Variants in ATP9B observed in about 807,000 individuals in gnomAD.
ATP9B encodes the protein probable phospholipid-transporting ATPase IIB.
Under a neutral mutation model 146.1 loss-of-function variants are expected in ATP9B, and 110 were observed. The ratio of observed to expected loss-of-function variants is 0.75; its 90% CI spans 0.65 to 0.88. ATP9B has a LOEUF of 0.88. ATP9B is among the 40% of genes least tolerant of loss of function. The probability of loss-of-function intolerance (pLI) is 0.00; values close to 1 mark genes in which losing one functional copy is unlikely to be tolerated. For synonymous variants in ATP9B, 604 were observed against 569.7 expected, an observed-to-expected ratio of 1.06 and a Z score of -0.86; for missense variants, 1,499 against 1,496.4, an observed-to-expected ratio of 1.00 and a Z score of -0.03.
chr18:79,133,911 C>A (rs73971380), intron 5 of ATP9B, among the ~76,000 whole-genome samples: 4,728 of 152,342 alleles, frequency 0.031, 223 homozygotes, highest in African/African-American at 0.1. Flanking sequence ...AGCTCTGACT[C>A]CAGCTGTCTC....
chr18:79,215,268 C>T (rs1294275692), intron 11 of ATP9B, among the ~76,000 whole-genome samples: 1 of 151,936 alleles, frequency 6.6e-6, no homozygotes, highest in Non-Finnish European at 1.5e-5. Flanking sequence ...CTATAAAGTC[C>T]TAGGCCGTTT....
At chr18:79,223,904 A>AT (rs1285562519) in intron 11 of ATP9B, among the ~76,000 whole-genome samples, 2 of 152,210 alleles carry the variant, frequency 1.3e-5, no homozygotes, top group African/African-American at 2.4e-5. Flanking sequence ...GAAAACTTAG[A>AT]TTTTGTCCCT....
intron 6 of ATP9B, chr18:79,147,038 C>T (rs2094603259): frequency 2.6e-5 from 4 of 152,054 alleles, no homozygotes; most frequent in South Asian, 2.1e-4. Context: ...TAAAATTAAA[C>T]AAAAGTAGTA....
In ATP9B at chr18:79,331,821, C is replaced by T. The variant is rs116131154; in HGVS notation, c.2028+1717C>T. On this transcript the variant is annotated intron_variant, in intron 17 of 29. Coordinates refer to ENST00000426216, the MANE Select transcript of ATP9B (RefSeq NM_198531.5). The stretch of plus-strand genomic sequence containing the variant: ...GAACAGACTTAAAATAGTGATGTTC[C>T]GGATAGCTGGAGGTGTTGAGGTGAT... Among the ~76,000 whole-genome samples, 1,152 of 152,226 alleles carry T rather than the reference C, an allele frequency of 7.6e-3. 18 individuals carry two copies. Among genetic ancestry groups the T allele is most frequent in the African/African-American group, 0.027 (1,103 of 41,526 alleles).
chr18:79,313,370 C>G (rs1435097572), intron 15 of ATP9B, among the ~76,000 whole-genome samples: 1 of 152,146 alleles, frequency 6.6e-6, no homozygotes, highest in Non-Finnish European at 1.5e-5. Flanking sequence ...AGCAACCGCT[C>G]TGTAAGAGGA....
chr18:79,219,461 G>C (rs1348768783), intron 11 of ATP9B, among the ~76,000 whole-genome samples: 3 of 152,020 alleles, frequency 2.0e-5, no homozygotes, highest in Non-Finnish European at 4.4e-5. Flanking sequence ...AAGAATAGGG[G>C]GTCTTACAAA....
At chr18:79,348,743 A>T (rs1352230082) in intron 25 of ATP9B, among the ~76,000 whole-genome samples, 1 of 152,250 alleles carries the variant, frequency 6.6e-6, no homozygotes, top group Admixed American at 6.5e-5. Flanking sequence ...TGGGAGGCTG[A>T]AGTGGGCGTG....
At chr18:79,173,638 TG>T (rs527422496) in intron 7 of ATP9B, 1 of 450,264 alleles carries the variant, frequency 2.2e-6, no homozygotes, top group African/African-American at 2.0e-5. Context: ...ACTTGTATGT[TG>T]GGGGGACTCT....
chr18:79,077,118 C>T (rs1211471664), intron 1 of ATP9B, among the ~76,000 whole-genome samples: 1 of 152,170 alleles, frequency 6.6e-6, no homozygotes, highest in Non-Finnish European at 1.5e-5. Flanking sequence ...TTGATGTTGA[C>T]ATCTATTGAT....
intron 6 of ATP9B, among the ~76,000 whole-genome samples, chr18:79,153,354 T>C (rs1441844947): frequency 2.0e-5 from 3 of 152,258 alleles, no homozygotes; most frequent in Non-Finnish European, 4.4e-5. Context: ...AGTTTTTATA[T>C]GCCATAAAAT....
intron 11 of ATP9B, among the ~76,000 whole-genome samples, chr18:79,240,119 G>A (rs867754220): frequency 6.6e-6 from 1 of 152,228 alleles, no homozygotes; most frequent in African/African-American, 2.4e-5. Flanking sequence ...GCGAAGTGAG[G>A]TGAGGGCATT....
chr18:79,296,102 A>G (rs75284228), intron 13 of ATP9B, among the ~76,000 whole-genome samples: 1 of 152,172 alleles, frequency 6.6e-6, no homozygotes, highest in African/African-American at 2.4e-5. Flanking sequence ...TGCAGCCTCA[A>G]ACTCCTGAGC....
chr18:79,253,339 A>G, intron 11 of ATP9B, 42 bp from the exon 12 acceptor site: 2 of 1,563,510 alleles, frequency 1.3e-6, no homozygotes, highest in African/African-American at 1.4e-5. Context: ...TATTAGGGAC[A>G]TTGTGGTTAG....
chr18:79,079,907 C>G (rs1415432418), intron 1 of ATP9B, among the ~76,000 whole-genome samples: 2 of 152,176 alleles, frequency 1.3e-5, no homozygotes, highest in Admixed American at 6.5e-5. Flanking sequence ...ATAGGGAATC[C>G]TTTCCCCATT....
intron 2 of ATP9B, among the ~76,000 whole-genome samples, chr18:79,099,611 T>C (rs1291723926): frequency 6.6e-6 from 1 of 152,152 alleles, no homozygotes; most frequent in Non-Finnish European, 1.5e-5. Flanking sequence ...TTAGAGATTT[T>C]TCCTAGTTAA....
chr18:79,210,294 C>G (rs80344527), intron 10 of ATP9B, among the ~76,000 whole-genome samples: 1 of 152,240 alleles, frequency 6.6e-6, no homozygotes. Context: ...AAGCTGGGCT[C>G]TCTAAGGCAA....
chr18:79,069,445 G>C lies in ATP9B; in HGVS notation c.35G>C (p.Ser12Thr), dbSNP rs760374686. The C allele has an allele frequency of 2.6e-6, 4 of 1,517,292 alleles. No individual in the cohort carries two copies. The African/African-American group carries it at 5.7e-5, about 22-fold the overall frequency. The allele number at this position is 1,517,292 out of a possible 1,614,324, so 94.0% of individuals were successfully genotyped here. A position where few individuals can be genotyped will look rare whatever the true frequency, so the allele number is the denominator to read the frequency against. The change falls in exon 1 of 30, where the codon AGC (serine) becomes ACC (threonine). Residue 12 changes from serine (S) to threonine (T), a missense_variant. Physicochemically the swap from Ser to Thr is moderately conservative, Grantham distance 58. Coordinates refer to ENST00000426216, the MANE Select transcript of ATP9B (RefSeq NM_198531.5). ...ADQIPLYPVR[S>T]AAAAAANRKR... is the part of the protein sequence containing the mutation. ...CAGATCCCGCTTTACCCGGTGCGTA[G>C]CGCAGCGGCGGCCGCAGCCAACCGC...
intron 13 of ATP9B, among the ~76,000 whole-genome samples, chr18:79,277,670 A>G (rs1226094734): frequency 6.6e-6 from 1 of 152,194 alleles, no homozygotes; most frequent in East Asian, 1.9e-4. Flanking sequence ...AAGCTCTAGG[A>G]CCAAAATTCT....
At chr18:79,091,762 CT>C (rs1325357136) in intron 1 of ATP9B, among the ~76,000 whole-genome samples, 2 of 152,168 alleles carry the variant, frequency 1.3e-5, no homozygotes, top group African/African-American at 4.8e-5. Context: ...TGGATTCCCC[CT>C]ATATGTTTCT....
Sources: allele counts gnomAD v4.1 joint callset (sites outside exome capture counted in the v4.1 genomes callset), GRCh38; gene constraint gnomAD v4.1.1; transcripts MANE v1.5; gene names NCBI Gene and HGNC (gene_info 2026-07-23, HGNC 2026-07-21).